Variants in KIF19 observed in about 807,000 individuals in gnomAD.
KIF19 encodes kinesin family member 19.
In KIF19, 98 loss-of-function variants were observed where a neutral mutation model predicts 106.6. That is an observed-to-expected ratio of 0.92 (90% CI 0.78 to 1.09). The LOEUF is 1.09. Ranked by LOEUF, KIF19 falls within the 50% of genes least tolerant of loss-of-function variation. KIF19 has a pLI of 0.00. For missense variants in KIF19, 1,373 were observed against 1,414.3 expected, an observed-to-expected ratio of 0.97 and a Z score of 0.47; for synonymous variants, 516 against 584.2, an observed-to-expected ratio of 0.88 and a Z score of 1.68.
chr17:74,341,890 G>A lies in KIF19; in HGVS notation c.135G>A (p.Met45Ile). Residue 45 changes from methionine to isoleucine, a missense_variant, in exon 3 of 20, where the codon ATG becomes ATA. Coordinates refer to ENST00000389916, the MANE Select transcript of KIF19 (RefSeq NM_153209.4). The stretch of plus-strand genomic sequence containing the variant: ...GGACCTTGCAGATGGTGGTTCTCAT[G>A]GACCCAATGGAGGATCCCGACGACA... ...HKVDEQMVVL[M>I]DPMEDPDDIL... 6.2e-7 allele frequency: 1 copy of A among 1,613,700 alleles called. No individual in the cohort carries two copies.
At position 74,350,635 on chromosome 17, in the gene KIF19, G is replaced by A. The variant is rs113827306; in HGVS notation, c.1388+60G>A. 8.1e-4 allele frequency: 1,305 copies of A among 1,609,014 alleles called. 19 individuals carry two copies. The African/African-American group carries it at 0.014, about 18-fold the overall frequency. ...CCCTGTGCCTGGGACAGAGGAGCAC[G>A]ACCTGTGGCTGTACAGTGTGCCCTG... On this transcript the variant is annotated intron_variant, in intron 11 of 19. Transcript: ENST00000389916.
At chr17:74,332,216 G>GTGTT (rs1555619599) in intron 2 of KIF19, among the ~76,000 whole-genome samples, 24 of 54,366 alleles carry the variant, frequency 4.4e-4, no homozygotes, top group African/African-American at 1.0e-3. Flanking sequence ...GTGTTTGTGT[G>GTGTT]TGTGTGTGTG....
chr17:74,349,307 G>A lies in KIF19; in HGVS notation c.1171G>A (p.Ala391Thr). The A allele has an allele frequency of 1.2e-6, 2 of 1,610,390 alleles. No individual in the cohort carries two copies. Among genetic ancestry groups the A allele is most frequent in the Non-Finnish European group, 1.7e-6 (2 of 1,178,428 alleles). The change falls in exon 10 of 20, where the codon GCC becomes ACC. Residue 391 changes from alanine to threonine, a missense_variant. By Grantham distance (58) the Ala-to-Thr change is moderately conservative. Coordinates refer to ENST00000389916, the MANE Select transcript of KIF19 (RefSeq NM_153209.4). ...KIDEQTGRGQ[A>T]RGRQDRGDIR... ...TGATGAGCAGACTGGGCGGGGCCAG[G>A]CCCGGGGCCGGCAGGATCGGGGTGA...
In KIF19 at chr17:74,352,031, G is replaced by A. The variant is rs1263376282; in HGVS notation, c.1752G>A (p.Leu584=). Residue 584 remains leucine (L), a synonymous_variant, in exon 13 of 20, where the codon CTG becomes CTA. Coordinates refer to ENST00000389916, the MANE Select transcript of KIF19 (RefSeq NM_153209.4). ...VENTEMQSHA[L]LRDGALRHRH... ...ACACCGAGATGCAGTCGCACGCGCTGCTCCGCGACGGTGCGCTCCGCCACC... is the reference window on the plus strand; with the variant it reads ...ACACCGAGATGCAGTCGCACGCGCTACTCCGCGACGGTGCGCTCCGCCACC... 6.4e-6 allele frequency: 10 copies of A among 1,569,542 alleles called. No individual in the cohort carries two copies. In the East Asian group the frequency reaches 2.1e-4, roughly 33 times the overall value.
intron 2 of KIF19, 159 bp downstream of exon 2, chr17:74,328,664 T>TG (rs1238844275): frequency 1.7e-6 from 1 of 595,916 alleles, no homozygotes. Flanking sequence ...CCAAGGAAGC[T>TG]GGGGGCTCTT....
chr17:74,330,397 T>A (rs909432246), intron 2 of KIF19, among the ~76,000 whole-genome samples: 1 of 152,198 alleles, frequency 6.6e-6, no homozygotes, highest in African/African-American at 2.4e-5. Flanking sequence ...GTTTCATAGA[T>A]GTCAGTTATC....
At chr17:74,345,987 G>A (rs1369444248) in intron 7 of KIF19, among the ~76,000 whole-genome samples, 1 of 152,202 alleles carries the variant, frequency 6.6e-6, no homozygotes, top group African/African-American at 2.4e-5. Context: ...CCACCACCAT[G>A]CACATGTGCA....
intron 2 of KIF19, among the ~76,000 whole-genome samples, chr17:74,334,232 C>T (rs2054169702): frequency 6.6e-6 from 1 of 151,180 alleles, no homozygotes; most frequent in Non-Finnish European, 1.5e-5. Context: ...TTCTTTTTGG[C>T]TCTTGTGCAT....
At position 74,346,417 on chromosome 17, in the gene KIF19, A is replaced by C; in HGVS notation, c.817A>C (p.Ile273Leu). Residue 273 changes from isoleucine (I) to leucine (L), a missense_variant, in exon 8 of 20, where the codon ATC (isoleucine) becomes CTC (leucine). Ile to Leu is a conservative substitution (Grantham distance 5). Around this residue, in one of 3 missense-constraint regions of KIF19, gnomAD observed 348 missense variants for 389.5 expected, o/e 0.89. Transcript: ENST00000389916. This position sits in a 1 kb window ranked among gnomAD's most constrained non-coding sequence, Gnocchi z 4.6. ...RGQRMKEGAH[I>L]NRSLLALGNC... Reference sequence around the variant, plus strand: ...GCAGCGTATGAAGGAGGGGGCCCACATCAACCGCTCACTGCTGGCACTGGG... The same window carrying C: ...GCAGCGTATGAAGGAGGGGGCCCACCTCAACCGCTCACTGCTGGCACTGGG... 1 of 1,574,602 alleles carries C rather than the reference A, an allele frequency of 6.4e-7. No homozygotes were observed. The highest frequency in any genetic ancestry group is 8.6e-7 in the Non-Finnish European group (1 of 1,160,310).
At chr17:74,348,011 T>G in intron 9 of KIF19, 112 bp downstream of exon 9, 1 of 1,260,622 alleles carries the variant, frequency 7.9e-7, no homozygotes, top group South Asian at 1.4e-5. Context: ...ACTGCTGCAC[T>G]GGCCTCATTC....
intron 7 of KIF19, among the ~76,000 whole-genome samples, chr17:74,345,857 G>A (rs1228328966): frequency 6.6e-6 from 1 of 152,152 alleles, no homozygotes; most frequent in Non-Finnish European, 1.5e-5. Context: ...AGCCACTGGA[G>A]CGAGCTGGTC....
At chr17:74,327,663 G>T (rs2053949931) in intron 1 of KIF19, among the ~76,000 whole-genome samples, 1 of 152,174 alleles carries the variant, frequency 6.6e-6, no homozygotes. Flanking sequence ...AGTAGAGACG[G>T]TGTTTCGCCG....
At chr17:74,339,534 G>A (rs1234660879) in intron 2 of KIF19, among the ~76,000 whole-genome samples, 2 of 151,142 alleles carry the variant, frequency 1.3e-5, no homozygotes, top group Non-Finnish European at 2.9e-5. Context: ...CTGAAAGAGG[G>A]GACCAATGAG....
intron 14 of KIF19, among the ~76,000 whole-genome samples, 173 bp downstream of exon 14, chr17:74,352,513 G>A (rs1435261913): frequency 1.3e-5 from 2 of 152,200 alleles, no homozygotes; most frequent in Non-Finnish European, 2.9e-5. Flanking sequence ...GCCTGAGTAA[G>A]ACCCTCCTCC....
At chr17:74,340,606 C>A (rs1316471830) in intron 2 of KIF19, among the ~76,000 whole-genome samples, 1 of 150,760 alleles carries the variant, frequency 6.6e-6, no homozygotes, top group Non-Finnish European at 1.5e-5. Context: ...GGGAGGGGAG[C>A]CCCAGCTGGG....
chr17:74,340,153 A>G (rs2054326542), intron 2 of KIF19, among the ~76,000 whole-genome samples: 1 of 152,092 alleles, frequency 6.6e-6, no homozygotes, highest in South Asian at 2.1e-4. Context: ...AGGTTATACC[A>G]GGCCCGACCA....
At chr17:74,352,411 C>A (rs968519742) in intron 14 of KIF19, 71 bp downstream of exon 14, 2 of 1,516,498 alleles carry the variant, frequency 1.3e-6, no homozygotes, top group South Asian at 1.3e-5. Flanking sequence ...CAAGGCAATG[C>A]CTTCAGGCAG....
intron 2 of KIF19, among the ~76,000 whole-genome samples, chr17:74,332,548 A>G (rs776509831): frequency 6.6e-6 from 1 of 152,046 alleles, no homozygotes; most frequent in Non-Finnish European, 1.5e-5. Flanking sequence ...TCAGCTGACC[A>G]TGTGTATGTC....
At chr17:74,335,443 C>T (rs551351803) in intron 2 of KIF19, among the ~76,000 whole-genome samples, 1 of 152,356 alleles carries the variant, frequency 6.6e-6, no homozygotes, top group Admixed American at 6.5e-5. Context: ...TTGGGATGAG[C>T]CTGGTCCCCC....
Sources: allele counts gnomAD v4.1 joint callset (sites outside exome capture counted in the v4.1 genomes callset), GRCh38; gene constraint gnomAD v4.1.1; regional missense constraint gnomAD v4.1.1; non-coding constraint Gnocchi (gnomAD v3.1); transcripts MANE v1.5; gene names NCBI Gene and HGNC (gene_info 2026-07-23, HGNC 2026-07-21).